The following GRM8 variants were observed in gnomAD, a reference collection of about 807,000 sequenced individuals.
GRM8 encodes metabotropic glutamate receptor 8.
Under a neutral mutation model 87.2 loss-of-function variants are expected in GRM8, and 47 were observed. The observed-to-expected ratio is 0.54, with a 90% CI of 0.43 to 0.69. The LOEUF (loss-of-function observed/expected upper bound fraction) is 0.69, where lower values mean the gene tolerates loss of function less well. GRM8 is among the 30% of genes least tolerant of loss of function. The pLI is 0.00. For synonymous variants in GRM8, 396 were observed against 404.5 expected (o/e 0.98, Z 0.25); for missense variants, 1,019 against 1,139.2 (o/e 0.89, Z 1.52).
At chr7:127,037,666 G>A (rs1041076278) in intron 3 of GRM8, among the ~76,000 whole-genome samples, 2 of 152,116 alleles carry the variant, frequency 1.3e-5, no homozygotes, top group African/African-American at 4.8e-5. Flanking sequence ...AAGGAGTGGG[G>A]GCTACTAGGA....
intron 2 of GRM8, among the ~76,000 whole-genome samples, chr7:127,184,001 C>A (rs1484305839): frequency 6.6e-6 from 1 of 151,778 alleles, no homozygotes; most frequent in Non-Finnish European, 1.5e-5. Context: ...ACCATATCTA[C>A]CAATGAAATT....
At chr7:126,787,580 A>G (rs1820755604) in intron 6 of GRM8, among the ~76,000 whole-genome samples, 3 of 152,150 alleles carry the variant, frequency 2.0e-5, no homozygotes, top group African/African-American at 4.8e-5. Flanking sequence ...TTCTCAACCT[A>G]TGAGAAAACA....
At chr7:126,566,287 T>C (rs551238978) in intron 8 of GRM8, among the ~76,000 whole-genome samples, 83 of 151,856 alleles carry the variant, frequency 5.5e-4, no homozygotes, top group South Asian at 1.5e-3. Context: ...TGAGAATGAG[T>C]TAGTTTTCAA....
chr7:126,993,993 A>T (rs1812927580), intron 3 of GRM8, among the ~76,000 whole-genome samples: 1 of 152,184 alleles, frequency 6.6e-6, no homozygotes, highest in Non-Finnish European at 1.5e-5. Context: ...TGGCCTAGAA[A>T]GACACCAGAT....
intron 7 of GRM8, among the ~76,000 whole-genome samples, chr7:126,750,745 T>G (rs1283500306): frequency 2.0e-5 from 3 of 152,188 alleles, no homozygotes; most frequent in Non-Finnish European, 4.4e-5. Context: ...CTAGTCTGAC[T>G]CTATTAGTCC....
intron 3 of GRM8, among the ~76,000 whole-genome samples, chr7:126,973,193 C>T (rs1329980420): frequency 6.6e-6 from 1 of 152,130 alleles, no homozygotes; most frequent in Admixed American, 6.6e-5. Context: ...GTTTCTCATA[C>T]CTTAGGTCTG....
At position 127,151,313 on chromosome 7, in the gene GRM8, T is replaced by C. The variant is rs1484907676; in HGVS notation, c.511-44601A>G. Among the ~76,000 whole-genome samples, 7 of 152,072 alleles carry C rather than the reference T, an allele frequency of 4.6e-5. No individual in the cohort carries two copies. In the East Asian group the frequency reaches 1.2e-3, roughly 25 times the overall value. ...AAACTCAACCACCTAAGGGTTCTTG[T>C]GGTTCTTGACCATACAGACCAACCA... On this transcript the variant is annotated intron_variant, in intron 2 of 10. Transcript: ENST00000339582.
intron 8 of GRM8, among the ~76,000 whole-genome samples, chr7:126,545,166 T>G (rs1303930826): frequency 6.6e-6 from 1 of 152,196 alleles, no homozygotes; most frequent in Non-Finnish European, 1.5e-5. Context: ...TGAGTGTGCA[T>G]GTTGGCGTAT....
intron 3 of GRM8, among the ~76,000 whole-genome samples, chr7:127,085,390 T>C (rs903242616): frequency 1.3e-5 from 2 of 152,240 alleles, no homozygotes; most frequent in Non-Finnish European, 2.9e-5. Flanking sequence ...ATCACCACAC[T>C]GTCTTCCACA....
At chr7:127,033,090 T>C (rs1817534375) in intron 3 of GRM8, among the ~76,000 whole-genome samples, 1 of 151,712 alleles carries the variant, frequency 6.6e-6, no homozygotes, top group Non-Finnish European at 1.5e-5. Flanking sequence ...TCAGATGTTA[T>C]TTTTGTCTCC....
At chr7:127,185,308 A>G (rs1794675855) in intron 2 of GRM8, among the ~76,000 whole-genome samples, 1 of 152,110 alleles carries the variant, frequency 6.6e-6, no homozygotes, top group African/African-American at 2.4e-5. Context: ...AAATAGACCC[A>G]AACAAATATA....
chr7:127,210,869 T>G (rs1399595974), intron 2 of GRM8, among the ~76,000 whole-genome samples: 1 of 152,218 alleles, frequency 6.6e-6, no homozygotes, highest in African/African-American at 2.4e-5. Flanking sequence ...ACCAAGGTAC[T>G]ATAGGTACCA....
At chr7:127,174,016 T>C (rs1198181101) in intron 2 of GRM8, among the ~76,000 whole-genome samples, 1 of 152,156 alleles carries the variant, frequency 6.6e-6, no homozygotes, top group African/African-American at 2.4e-5. Context: ...AACCGACAAT[T>C]AAGCAGATAA....
chr7:127,199,136 C>T (rs548008873), intron 2 of GRM8, among the ~76,000 whole-genome samples: 32 of 144,892 alleles, frequency 2.2e-4, no homozygotes, highest in East Asian at 6.0e-4. Context: ...CCACCGCACC[C>T]GGCTTTTTTT....
intron 8 of GRM8, among the ~76,000 whole-genome samples, chr7:126,540,165 A>G (rs1187694731): frequency 6.6e-6 from 1 of 152,182 alleles, no homozygotes; most frequent in African/African-American, 2.4e-5. Flanking sequence ...GACATGTCCC[A>G]AAGAAGATAT....
chr7:127,238,185 T>TA (rs1798084904), intron 2 of GRM8, among the ~76,000 whole-genome samples: 1 of 152,160 alleles, frequency 6.6e-6, no homozygotes, highest in Non-Finnish European at 1.5e-5. Context: ...ATTCTACCGT[T>TA]ACATGTCACA....
intron 2 of GRM8, among the ~76,000 whole-genome samples, chr7:127,237,889 T>C (rs1798068162): frequency 6.6e-6 from 1 of 152,232 alleles, no homozygotes; most frequent in Non-Finnish European, 1.5e-5. Context: ...CAATCTTTGC[T>C]CAAAGTAAGA....
chr7:127,227,545 G>C (rs529413008), intron 2 of GRM8, among the ~76,000 whole-genome samples: 1 of 152,268 alleles, frequency 6.6e-6, no homozygotes, highest in Admixed American at 6.5e-5. Context: ...TTTAGTTTGG[G>C]AAAGGAGTAA....
intron 9 of GRM8, among the ~76,000 whole-genome samples, chr7:126,494,671 A>C (rs558775275): frequency 2.0e-5 from 3 of 151,956 alleles, no homozygotes; most frequent in Non-Finnish European, 4.4e-5. Context: ...CACACACACA[A>C]AGACAGAAAG....
Sources: allele counts gnomAD v4.1 joint callset (sites outside exome capture counted in the v4.1 genomes callset), GRCh38; gene constraint gnomAD v4.1.1; transcripts MANE v1.5; gene names NCBI Gene and HGNC (gene_info 2026-07-23, HGNC 2026-07-21).